SPTBN2: variants seen among roughly 807,000 people sequenced by gnomAD.
SPTBN2 encodes spectrin beta chain, non-erythrocytic 2.
SPTBN2 carries 107 observed loss-of-function variants against 284.2 expected under a neutral mutation model. The ratio of observed to expected loss-of-function variants is 0.38; its 90% CI spans 0.32 to 0.44. The LOEUF is 0.44. Ranked by LOEUF, SPTBN2 falls within the 20% of genes least tolerant of loss-of-function variation. The pLI is 1.00. For missense variants in SPTBN2, 2,569 were observed against 3,287.1 expected, an observed-to-expected ratio of 0.78 and a Z score of 5.34; for synonymous variants, 1,289 against 1,354.8, an observed-to-expected ratio of 0.95 and a Z score of 1.07.
In SPTBN2 at chr11:66,715,975, C is replaced by T. The variant is rs1217789386; in HGVS notation, c.164G>A (p.Arg55Gln). 1 of 1,613,878 alleles carries T rather than the reference C, an allele frequency of 6.2e-7. No individual in the cohort carries two copies. The highest frequency in any genetic ancestry group is 1.3e-5 in the African/African-American group (1 of 75,010). The change falls in exon 4 of 38, where the codon CGA (arginine) becomes CAA (glutamine). Residue 55 changes from arginine (R) to glutamine (Q), a missense_variant. Physicochemically the swap from Arg to Gln is conservative, Grantham distance 43 (BLOSUM62 1). This residue lies in a region of SPTBN2 where 304 missense variants were observed against 522.1 expected (regional missense o/e 0.58). Coordinates refer to ENST00000533211, the MANE Select transcript of SPTBN2 (RefSeq NM_006946.4). This position sits in a 1 kb window ranked among gnomAD's most constrained non-coding sequence, Gnocchi z 5.3. Reference protein sequence around the residue: ...RSRIKALADEREAVQKKTFTK... With the variant: ...RSRIKALADEQEAVQKKTFTK... ...GAAGGTTTTCTTCTGCACAGCTTCTCGTTCATCTGTGGTGGCAACATGGGT... is the reference window on the plus strand; with the variant it reads ...GAAGGTTTTCTTCTGCACAGCTTCTTGTTCATCTGTGGTGGCAACATGGGT...
At chr11:66,714,224 CTCCAGGGCAGTCA>C in intron 6 of SPTBN2, 53 bp from the exon 7 acceptor site, 1 of 1,609,764 alleles carries the variant, frequency 6.2e-7, no homozygotes, top group Non-Finnish European at 8.5e-7. Context: ...TGTTCTATGA[CTCCAGGGCAGTCA>C]CCAGCTCATG....
rs1326470932 is a variant in SPTBN2, at chr11:66,691,424, C to T, written c.5425G>A (p.Gly1809Arg). The T allele has an allele frequency of 8.7e-6, 14 of 1,612,332 alleles. No individual in the cohort carries two copies. Among genetic ancestry groups the T allele is most frequent in the East Asian group, 4.5e-5 (2 of 44,872 alleles). ...ACCCGCGCCAGGGCTTGGCGTGCCC[C>T]GTGCAGGAAGCGCTGCAGCTCGTAC... ...AAYELQRFLH[G>R]ARQALARVQH... is the part of the protein sequence containing the mutation. The change falls in exon 27 of 38, where the codon GGG becomes AGG. Residue 1809 changes from glycine (G) to arginine (R), a missense_variant. Physicochemically the swap from Gly to Arg is moderately radical, Grantham distance 125. Transcript: ENST00000533211. This position sits in a 1 kb window ranked among gnomAD's most constrained non-coding sequence, Gnocchi z 8.0.
chr11:66,702,502 T>C (rs1390924831), intron 15 of SPTBN2, among the ~76,000 whole-genome samples: 3 of 152,008 alleles, frequency 2.0e-5, no homozygotes, highest in Non-Finnish European at 1.5e-5. Flanking sequence ...TCTGCAAATG[T>C]TTTCTGTGAA....
chr11:66,694,687 A>T (rs1029298956), intron 21 of SPTBN2, among the ~76,000 whole-genome samples: 1 of 152,224 alleles, frequency 6.6e-6, no homozygotes, highest in Non-Finnish European at 1.5e-5. Flanking sequence ...GATTGAAATT[A>T]AAAAATCCAG....
In SPTBN2 at chr11:66,687,402, A is replaced by G; in HGVS notation, c.6722+25T>C. The stretch of plus-strand genomic sequence containing the variant: ...AGAGGCTCTGGGGAAGTGCCCTCTG[A>G]GAGCAGGCTCCAGAGAGGCTGTACC... On this transcript the variant is annotated intron_variant, in intron 35 of 37. Coordinates refer to ENST00000533211, the MANE Select transcript of SPTBN2 (RefSeq NM_006946.4). This position sits in a 1 kb window ranked among gnomAD's most constrained non-coding sequence, Gnocchi z 5.2. 1.2e-6 allele frequency: 2 copies of G among 1,601,518 alleles called. No homozygotes were observed. The highest frequency in any genetic ancestry group is 1.7e-6 in the Non-Finnish European group (2 of 1,178,736).
intron 1 of SPTBN2, among the ~76,000 whole-genome samples, chr11:66,725,810 G>A (rs1468128168): frequency 6.6e-6 from 1 of 152,192 alleles, no homozygotes; most frequent in African/African-American, 2.4e-5. Context: ...CGATCCTCCA[G>A]GGCAGTTTTC....
At chr11:66,703,429 T>C (rs1430085245) in intron 15 of SPTBN2, among the ~76,000 whole-genome samples, 1 of 151,566 alleles carries the variant, frequency 6.6e-6, no homozygotes, top group African/African-American at 2.4e-5. Flanking sequence ...ACATTGATCA[T>C]AGATCATATC....
At chr11:66,740,292 G>A (rs1942887047) in intron 1 of SPTBN2, among the ~76,000 whole-genome samples, 1 of 152,140 alleles carries the variant, frequency 6.6e-6, no homozygotes, top group Non-Finnish European at 1.5e-5. Flanking sequence ...AAATACTCGA[G>A]TTATATAAAC....
At position 66,708,954 on chromosome 11, in the gene SPTBN2, T is replaced by C. The variant is rs1323243636; in HGVS notation, c.1139A>G (p.Asn380Ser). The C allele has an allele frequency of 3.7e-6, 6 of 1,613,288 alleles. No homozygotes were observed. Among genetic ancestry groups the C allele is most frequent in the Non-Finnish European group, 5.1e-6 (6 of 1,179,752 alleles). Residue 380 changes from asparagine (N) to serine (S), a missense_variant, in exon 11 of 38, where the codon AAC (asparagine) becomes AGC (serine). By Grantham distance (46) the Asn-to-Ser change is conservative (BLOSUM62 1). This residue lies in a region of SPTBN2 where 304 missense variants were observed against 522.1 expected (regional missense o/e 0.58). Transcript: ENST00000533211. The surrounding 1 kb of genome is among the most constrained non-coding windows in gnomAD (Gnocchi z 4.4). ...CTCGCGGGGCGTGTAGACCTTCTGG[T>C]TGTTGGCCCGAAGCTTGCTCTGGAT... ...FTIQSKLRANNQKVYTPREGR... is the reference protein window; with the variant it reads ...FTIQSKLRANSQKVYTPREGR...
intron 36 of SPTBN2, 103 bp downstream of exon 36, chr11:66,686,891 A>G: frequency 2.6e-6 from 4 of 1,517,616 alleles, no homozygotes; most frequent in Non-Finnish European, 3.6e-6. Flanking sequence ...TACTCCACTC[A>G]GGCTCCTTAC....
chr11:66,700,610 G>T lies in SPTBN2; in HGVS notation c.3489C>A (p.Ser1163Arg). 1 of 1,608,062 alleles carries T rather than the reference G, an allele frequency of 6.2e-7. No homozygotes were observed. The change falls in exon 17 of 38, where the codon AGC (serine) becomes AGA (arginine). Residue 1163 changes from serine to arginine, a missense_variant. Around this residue, in one of 6 missense-constraint regions of SPTBN2, gnomAD observed 1,012 missense variants for 1,248.9 expected, o/e 0.81. Coordinates refer to ENST00000533211, the MANE Select transcript of SPTBN2 (RefSeq NM_006946.4). The surrounding 1 kb of genome is among the most constrained non-coding windows in gnomAD (Gnocchi z 6.6). ...GWEELGRMWE[S>R]RQGRLAQAHG... ...GGGCCTGGGCCAGGCGACCTTGCCGGCTCTCCCACATTCGGCCCAGCTCCT... is the reference window on the plus strand; with the variant it reads ...GGGCCTGGGCCAGGCGACCTTGCCGTCTCTCCCACATTCGGCCCAGCTCCT...
chr11:66,712,275 G>A (rs1256505241), intron 8 of SPTBN2, among the ~76,000 whole-genome samples: 1 of 152,230 alleles, frequency 6.6e-6, no homozygotes, highest in Non-Finnish European at 1.5e-5. Context: ...GCAGTCAGGC[G>A]CGGGGGCTCA....
At chr11:66,703,525 G>T (rs934456190) in intron 15 of SPTBN2, among the ~76,000 whole-genome samples, 3 of 152,176 alleles carry the variant, frequency 2.0e-5, no homozygotes, top group Non-Finnish European at 4.4e-5. Flanking sequence ...GAGGTCAGGA[G>T]ATCGAGACCA....
intron 17 of SPTBN2, 52 bp from the exon 18 acceptor site, chr11:66,699,660 C>A (rs751603098): frequency 1.3e-6 from 2 of 1,599,978 alleles, no homozygotes; most frequent in Admixed American, 1.7e-5. Flanking sequence ...AATTCACCCC[C>A]CTAGGAGGGA....
rs1211965399 is a variant in SPTBN2 at position 66,707,079 on chromosome 11, CTTCT to C, written c.1653+433_1653+436del. 6.6e-6 allele frequency among the ~76,000 whole-genome samples: 1 copy of C among 152,276 alleles called. No individual in the cohort carries two copies. Among genetic ancestry groups the C allele is most frequent in the Admixed American group, 6.5e-5 (1 of 15,290 alleles). ...TCATGCTCACAGCCCACCGGCCTTC[CTTCT>C]GATCCTGAACACACCATGCTGATCC... On this transcript the variant is annotated intron_variant, in intron 13 of 37. Transcript: ENST00000533211. The surrounding 1 kb of genome is among the most constrained non-coding windows in gnomAD (Gnocchi z 4.9).
chr11:66,707,911 C>A lies in SPTBN2; in HGVS notation c.1351-93G>T. On this transcript the variant is annotated intron_variant, in intron 12 of 37. Coordinates refer to ENST00000533211, the MANE Select transcript of SPTBN2 (RefSeq NM_006946.4). This position sits in a 1 kb window ranked among gnomAD's most constrained non-coding sequence, Gnocchi z 4.9. ...TGCAGGGCACTTGGCCTGCAAGATC[C>A]CAGCTCCATGCGGTGGCTCTAAGTT... 1 of 1,515,726 alleles carries A rather than the reference C, an allele frequency of 6.6e-7. No individual in the cohort carries two copies. Among genetic ancestry groups the A allele is most frequent in the Non-Finnish European group, 8.9e-7 (1 of 1,118,160 alleles). The allele number at this position is 1,515,726 out of a possible 1,614,324, so 93.9% of individuals were successfully genotyped here. A position where few individuals can be genotyped will look rare whatever the true frequency, so the allele number is the denominator to read the frequency against.
chr11:66,727,371 T>C (rs1942656105), intron 1 of SPTBN2, among the ~76,000 whole-genome samples: 3 of 152,182 alleles, frequency 2.0e-5, no homozygotes, highest in Admixed American at 6.5e-5. Context: ...AGACGACATG[T>C]AGCAGGTTAA....
At chr11:66,722,632 C>T (rs1942468955) in intron 1 of SPTBN2, among the ~76,000 whole-genome samples, 2 of 149,310 alleles carry the variant, frequency 1.3e-5, no homozygotes, top group Non-Finnish European at 3.0e-5. Context: ...TTGGCTCACA[C>T]CTGTAATCCC....
chr11:66,686,575 T>G lies in SPTBN2; in HGVS notation c.6897-135A>C, dbSNP rs1940127680. The G allele has an allele frequency of 1.2e-5, 11 of 936,382 alleles. No individual in the cohort carries two copies. The South Asian group carries it at 1.5e-4, about 12-fold the overall frequency. The allele number at this position is 936,382 out of a possible 1,614,324, so 58.0% of individuals were successfully genotyped here. ...GCCCTCAGAGCCGGACCAGACACGC[T>G]CTGCACATTCTTCAGCTTCCCCAGA... On this transcript the variant is annotated intron_variant, in intron 36 of 37. Transcript: ENST00000533211.
Sources: gnomAD v4.1 joint callset for allele counts (sites outside exome capture counted in the v4.1 genomes callset) on GRCh38, gnomAD v4.1.1 for gene constraint, gnomAD v4.1.1 regional missense constraint, Gnocchi (gnomAD v3.1) non-coding constraint, MANE v1.5 for transcripts, NCBI Gene and HGNC (gene_info 2026-07-23, HGNC 2026-07-21) for gene names.